FOXP2: variants seen among roughly 807,000 people sequenced by gnomAD.
The protein encoded by FOXP2 is forkhead box protein P2.
Under a neutral mutation model 115.8 loss-of-function variants are expected in FOXP2, and 12 were observed. The observed-to-expected ratio is 0.10, with a 90% CI of 0.07 to 0.17. FOXP2 has a LOEUF of 0.17. FOXP2 is among the 10% of genes least tolerant of loss of function. The pLI, the probability that FOXP2 is intolerant of heterozygous loss-of-function variation, is 1.00. For missense variants in FOXP2, 629 were observed against 843.5 expected (o/e 0.75, Z 3.15); for synonymous variants, 328 against 297.7 (o/e 1.10, Z -1.05).
At chr7:114,179,356 C>T (rs144751133) in intron 1 of FOXP2, among the ~76,000 whole-genome samples, 1 of 151,770 alleles carries the variant, frequency 6.6e-6, no homozygotes, top group Non-Finnish European at 1.5e-5. Flanking sequence ...ATATGCAGAT[C>T]CTTACCTGAA....
At chr7:114,473,097 AG>A (rs1328105299) in intron 2 of FOXP2, among the ~76,000 whole-genome samples, 3 of 152,174 alleles carry the variant, frequency 2.0e-5, no homozygotes, top group Non-Finnish European at 2.9e-5. Flanking sequence ...TAGCTCTCTA[AG>A]TTTTATTTGC....
chr7:114,693,645 T>C lies in FOXP2; in HGVS notation c.*3719T>C, dbSNP rs1282416706. Reference sequence around the variant, plus strand: ...AAAAAGAAGGATGTACATTTTACTATAGAATTAATGTATGAACAGTGTGTC... The same window carrying C: ...AAAAAGAAGGATGTACATTTTACTACAGAATTAATGTATGAACAGTGTGTC... On this transcript the variant is annotated 3_prime_UTR_variant, in exon 17 of 17. Coordinates refer to ENST00000350908, the MANE Select transcript of FOXP2 (RefSeq NM_014491.4). 2.3e-6 allele frequency: 1 copy of C among 441,652 alleles called. No homozygotes were observed. The highest frequency in any genetic ancestry group is 2.5e-5 in the Admixed American group (1 of 40,566). 27.4% of individuals were successfully genotyped at this position (441,652 alleles called of 1,614,324 possible).
chr7:114,570,959 G>A (rs1801271755), intron 3 of FOXP2: 5 of 1,253,496 alleles, frequency 4.0e-6, no homozygotes, highest in Non-Finnish European at 5.9e-6. Flanking sequence ...TAGATTATAT[G>A]TGATTTTCTA....
chr7:114,605,990 T>C (rs1803298479), intron 3 of FOXP2, among the ~76,000 whole-genome samples: 1 of 152,108 alleles, frequency 6.6e-6, no homozygotes, highest in African/African-American at 2.4e-5. Context: ...ACTGTAACAA[T>C]AGTCCAAATG....
intron 3 of FOXP2, among the ~76,000 whole-genome samples, chr7:114,625,071 T>C (rs1367357733): frequency 4.6e-5 from 7 of 151,694 alleles, no homozygotes; most frequent in Non-Finnish European, 1.0e-4. Flanking sequence ...GCTTAATTCA[T>C]GTAATGAGAT....
At chr7:114,414,218 A>G (rs1353645468), upstream of FOXP2, 1 of 152,144 alleles carries the variant, frequency 6.6e-6, no homozygotes, top group Non-Finnish European at 1.5e-5. Flanking sequence ...TACCTACAGT[A>G]TAAAATCTTA....
rs545934948 is a variant in FOXP2, at chr7:114,199,915, C to T, written c.-102+36827C>T. Among the ~76,000 whole-genome samples, 34 of 152,220 alleles carry T rather than the reference C, an allele frequency of 2.2e-4. No individual in the cohort carries two copies. In the South Asian group the frequency reaches 6.6e-3, roughly 30 times the overall value. On this transcript the variant is annotated intron_variant, in intron 1 of 17. Transcript: ENST00000634411. ...GTAAAAGGTAAATTTGATATGCTAT[C>T]ATCTTCTCTTGGTAAAACTTTTTAT...
intron 3 of FOXP2, among the ~76,000 whole-genome samples, chr7:114,556,489 C>T (rs1800460569): frequency 6.6e-6 from 1 of 152,120 alleles, no homozygotes; most frequent in Non-Finnish European, 1.5e-5. Flanking sequence ...AGGAGTAAAG[C>T]ATACAGTAAA....
At chr7:114,086,749 G>C (rs1279997186), upstream of FOXP2, 3 of 233,034 alleles carry the variant, frequency 1.3e-5, no homozygotes, top group Non-Finnish European at 2.6e-5. Context: ...TCGCCCCAAA[G>C]GCAGCGCCCT....
intron 2 of FOXP2, among the ~76,000 whole-genome samples, chr7:114,523,418 C>G (rs367626368): frequency 1.1e-4 from 16 of 152,164 alleles, no homozygotes; most frequent in African/African-American, 3.9e-4. Context: ...TCCCTTTCCT[C>G]CCCTGGTTCC....
intron 3 of FOXP2, among the ~76,000 whole-genome samples, chr7:114,578,353 T>C (rs1268733999): frequency 2.0e-5 from 3 of 152,002 alleles, no homozygotes; most frequent in African/African-American, 4.8e-5. Context: ...CTGCTTAACA[T>C]CTATTTTCAT....
intron 2 of FOXP2, among the ~76,000 whole-genome samples, chr7:114,532,017 C>T (rs1393633042): frequency 6.6e-6 from 1 of 151,808 alleles, no homozygotes; most frequent in Non-Finnish European, 1.5e-5. Context: ...AGTTTTTGAC[C>T]AGGTTCTGCT....
intron 3 of FOXP2, among the ~76,000 whole-genome samples, chr7:114,624,726 A>G (rs954600117): frequency 6.6e-5 from 10 of 151,702 alleles, no homozygotes. Context: ...GACCTCCTCA[A>G]TGACATATAC....
At chr7:114,565,097 C>A (rs1465213616) in intron 3 of FOXP2, among the ~76,000 whole-genome samples, 3 of 149,680 alleles carry the variant, frequency 2.0e-5, no homozygotes, top group African/African-American at 7.4e-5. Context: ...TTGTATGCAA[C>A]CAATTTTTTT....
intron 2 of FOXP2, among the ~76,000 whole-genome samples, chr7:114,462,730 A>C (rs1251428963): frequency 2.6e-5 from 4 of 152,170 alleles, no homozygotes; most frequent in Non-Finnish European, 5.9e-5. Context: ...TTTTGAGTTG[A>C]AATCAGACAT....
At chr7:114,131,524 T>C (rs1475945305) in intron 1 of FOXP2, among the ~76,000 whole-genome samples, 2 of 151,332 alleles carry the variant, frequency 1.3e-5, no homozygotes, top group East Asian at 3.9e-4. Context: ...ATATTATAAC[T>C]ACATTAGTCG....
intron 3 of FOXP2, among the ~76,000 whole-genome samples, chr7:114,595,467 T>G (rs764414128): frequency 7.9e-5 from 12 of 152,044 alleles, no homozygotes. Context: ...TAACTACTAT[T>G]TTTTTGCAGT....
intron 2 of FOXP2, among the ~76,000 whole-genome samples, chr7:114,485,766 T>A (rs778230095): frequency 6.6e-6 from 1 of 152,156 alleles, no homozygotes; most frequent in African/African-American, 2.4e-5. Flanking sequence ...AGATGAGTAC[T>A]GTTCACTTAC....
At chr7:114,551,917 C>T (rs571360690) in intron 3 of FOXP2, among the ~76,000 whole-genome samples, 1 of 152,246 alleles carries the variant, frequency 6.6e-6, no homozygotes, top group Admixed American at 6.5e-5. Context: ...TTTATAACTA[C>T]TGTTCTTTGT....
Sources: gnomAD v4.1 joint callset for allele counts (sites outside exome capture counted in the v4.1 genomes callset) on GRCh38, gnomAD v4.1.1 for gene constraint, MANE v1.5 for transcripts, NCBI Gene and HGNC (gene_info 2026-07-23, HGNC 2026-07-21) for gene names.